Variants in SRBD1 observed in about 807,000 individuals in gnomAD.
The protein encoded by SRBD1 is S1 RNA binding domain 1.
In SRBD1, 88 loss-of-function variants were observed where a neutral mutation model predicts 115.3. The observed-to-expected ratio is 0.76, with a 90% confidence interval of 0.64 to 0.91. The LOEUF is 0.91. SRBD1 is among the 40% of genes least tolerant of loss of function. SRBD1 has a pLI of 0.00. For synonymous variants in SRBD1, 509 were observed against 407.7 expected (o/e 1.25, Z -2.99); for missense variants, 1,385 against 1,177.4 (o/e 1.18, Z -2.58).
chr2:45,522,189 A>T (rs539416221), intron 14 of SRBD1, among the ~76,000 whole-genome samples: 55 of 147,792 alleles, frequency 3.7e-4, no homozygotes, highest in East Asian at 2.6e-3. Flanking sequence ...AAAATCTGAA[A>T]TTTTTTTTTT....
At chr2:45,517,428 A>G (rs1671153518) in intron 14 of SRBD1, among the ~76,000 whole-genome samples, 1 of 152,242 alleles carries the variant, frequency 6.6e-6, no homozygotes, top group Non-Finnish European at 1.5e-5. Flanking sequence ...AGGTTACAGC[A>G]GAGCAACTAA....
chr2:45,392,234 G>A (rs1268491528), intron 20 of SRBD1, among the ~76,000 whole-genome samples: 2 of 152,120 alleles, frequency 1.3e-5, no homozygotes, highest in Non-Finnish European at 1.5e-5. Flanking sequence ...CCATCTCAAT[G>A]CAGCCTAAAC....
At chr2:45,507,956 G>A (rs1572714537) in intron 14 of SRBD1, among the ~76,000 whole-genome samples, 1 of 152,018 alleles carries the variant, frequency 6.6e-6, no homozygotes. Flanking sequence ...ATAAATAAAT[G>A]AACATAACCT....
intron 15 of SRBD1, among the ~76,000 whole-genome samples, chr2:45,486,754 TA>T (rs1179156741): frequency 1.1e-4 from 16 of 146,968 alleles, no homozygotes; most frequent in African/African-American, 2.1e-4. Flanking sequence ...TAAAATAAAA[TA>T]AAATAAATAA....
intron 15 of SRBD1, 108 bp downstream of exon 15, chr2:45,488,132 G>T: frequency 2.4e-6 from 2 of 844,754 alleles, no homozygotes; most frequent in Non-Finnish European, 3.8e-6. Flanking sequence ...TCTTATGCAT[G>T]TAGTATAACT....
Position 45,476,931 on chromosome 2 carries a change from G to A in SRBD1, c.2049+62C>T. 2.0e-6 allele frequency: 3 copies of A among 1,463,468 alleles called. No individual in the cohort carries two copies. In the East Asian group the frequency reaches 6.8e-5, roughly 33 times the overall value. 90.7% of individuals were successfully genotyped at this position (1,463,468 alleles called of 1,614,324 possible). On this transcript the variant is annotated intron_variant, in intron 16 of 20. Coordinates refer to ENST00000263736, the MANE Select transcript of SRBD1 (RefSeq NM_018079.5). ...CCACAGACACTTAATTACTATCCCA[G>A]GTTTGAGTACTGCTCCTTGTATTGA...
At chr2:45,495,298 T>A (rs1456171993) in intron 14 of SRBD1, among the ~76,000 whole-genome samples, 1 of 152,306 alleles carries the variant, frequency 6.6e-6, no homozygotes, top group Non-Finnish European at 1.5e-5. Context: ...ACAAACTCAA[T>A]GGTACCTTCA....
At chr2:45,556,918 TTGCTGC>T (rs553666915) in intron 10 of SRBD1, among the ~76,000 whole-genome samples, 5 of 152,062 alleles carry the variant, frequency 3.3e-5, no homozygotes, top group African/African-American at 7.2e-5. Context: ...ATGTAAGTTT[TTGCTGC>T]TGCTGCTGCT....
chr2:45,507,029 A>G (rs1182531769), intron 14 of SRBD1, among the ~76,000 whole-genome samples: 1 of 152,180 alleles, frequency 6.6e-6, no homozygotes, highest in Non-Finnish European at 1.5e-5. Flanking sequence ...TAATATGGAT[A>G]AAAACCAATT....
chr2:45,393,225 C>T (rs906931682), intron 19 of SRBD1, 96 bp from the exon 20 acceptor site: 1 of 1,240,430 alleles, frequency 8.1e-7, no homozygotes, highest in African/African-American at 1.5e-5. Flanking sequence ...CATCTTAGAC[C>T]CATAGGTCAA....
At chr2:45,494,379 T>A (rs2103873066) in intron 14 of SRBD1, among the ~76,000 whole-genome samples, 1 of 146,460 alleles carries the variant, frequency 6.8e-6, no homozygotes, top group African/African-American at 2.5e-5. Flanking sequence ...AATGGCCAAC[T>A]TTTTTTTTTT....
At chr2:45,486,563 T>C (rs1006264671) in intron 15 of SRBD1, among the ~76,000 whole-genome samples, 2 of 151,470 alleles carry the variant, frequency 1.3e-5, no homozygotes, top group Non-Finnish European at 2.9e-5. Flanking sequence ...TCGTCTCTAC[T>C]AAAAAATACA....
chr2:45,572,347 A>T (rs1037446054), intron 9 of SRBD1, among the ~76,000 whole-genome samples: 3 of 152,194 alleles, frequency 2.0e-5, no homozygotes. Context: ...CATGATAAAA[A>T]AATTGCTGGA....
chr2:45,508,709 CT>C (rs1670870649), intron 14 of SRBD1, among the ~76,000 whole-genome samples: 1 of 152,070 alleles, frequency 6.6e-6, no homozygotes, highest in African/African-American at 2.4e-5. Flanking sequence ...TTAACTTTGA[CT>C]TTTTTATTCT....
At position 45,582,952 on chromosome 2, in the gene SRBD1, G is replaced by A. The variant is rs151258461; in HGVS notation, c.816-1142C>T. On this transcript the variant is annotated intron_variant, in intron 5 of 20. Coordinates refer to ENST00000263736, the MANE Select transcript of SRBD1 (RefSeq NM_018079.5). The stretch of plus-strand genomic sequence containing the variant: ...ATTCCATGTAGAAAAGTTGATTCCA[G>A]GAATCAATTTACAGGGATCACTAAA... Among the ~76,000 whole-genome samples, 355 of 152,204 alleles carry A rather than the reference G, an allele frequency of 2.3e-3. 1 individual carries two copies. The highest frequency in any genetic ancestry group is 0.014 in the Middle Eastern group (4 of 294).
At chr2:45,465,000 TACACACACACACACACACAC>T (rs58288876) in intron 16 of SRBD1, among the ~76,000 whole-genome samples, 3 of 120,218 alleles carry the variant, frequency 2.5e-5, no homozygotes, top group East Asian at 2.6e-4. Flanking sequence ...GTTGAGATTG[TACACACACACACACACACAC>T]ACACACACAC....
intron 14 of SRBD1, among the ~76,000 whole-genome samples, chr2:45,494,674 T>A (rs995024765): frequency 6.6e-6 from 1 of 152,242 alleles, no homozygotes; most frequent in Admixed American, 6.5e-5. Flanking sequence ...TCCCAAGTTA[T>A]CCTTCATGAT....
intron 9 of SRBD1, among the ~76,000 whole-genome samples, chr2:45,565,726 AG>A (rs1218567431): frequency 2.0e-5 from 3 of 152,252 alleles, no homozygotes; most frequent in African/African-American, 7.2e-5. Context: ...ATGTCACATA[AG>A]GGTATCTAGA....
At chr2:45,425,347 A>C (rs1480478197) in intron 16 of SRBD1, among the ~76,000 whole-genome samples, 1 of 152,202 alleles carries the variant, frequency 6.6e-6, no homozygotes. Flanking sequence ...GACTTTATGC[A>C]GTATCTTCAT....
Sources: allele counts gnomAD v4.1 joint callset (sites outside exome capture counted in the v4.1 genomes callset), GRCh38; gene constraint gnomAD v4.1.1; transcripts MANE v1.5; gene names NCBI Gene and HGNC (gene_info 2026-07-23, HGNC 2026-07-21).